Variants in ABCA1 observed in about 807,000 individuals in gnomAD.
ABCA1 encodes the protein phospholipid-transporting ATPase ABCA1.
ABCA1 carries 133 observed loss-of-function variants against 262.5 expected under a neutral mutation model. That is an observed-to-expected ratio of 0.51 (90% CI 0.44 to 0.59). The LOEUF (loss-of-function observed/expected upper bound fraction) is 0.59. Ranked by LOEUF, ABCA1 falls within the 20% of genes least tolerant of loss-of-function variation. The pLI is 0.00. For missense variants in ABCA1, 2,452 were observed against 2,777.5 expected (o/e 0.88, Z 2.63); for synonymous variants, 1,022 against 1,043.5 (o/e 0.98, Z 0.40).
At chr9:104,837,320 G>T in intron 10 of ABCA1, 108 bp downstream of exon 10, 1 of 1,463,462 alleles carries the variant, frequency 6.8e-7, no homozygotes, top group Non-Finnish European at 9.4e-7. Flanking sequence ...GGGAATTCCA[G>T]AAGAGCCGTG....
At chr9:104,921,752 A>G (rs1022555263) in intron 1 of ABCA1, among the ~76,000 whole-genome samples, 1 of 152,254 alleles carries the variant, frequency 6.6e-6, no homozygotes, top group Non-Finnish European at 1.5e-5. Context: ...TATTCAAGTC[A>G]GCATTTATTA....
chr9:104,835,559 C>T (rs1833749090), intron 11 of ABCA1, among the ~76,000 whole-genome samples: 1 of 152,114 alleles, frequency 6.6e-6, no homozygotes, highest in African/African-American at 2.4e-5. Flanking sequence ...TTCATTCTTG[C>T]CTCATCCTTC....
In ABCA1 at chr9:104,861,725, T is replaced by C. The variant is rs377248142; in HGVS notation, c.497A>G (p.Lys166Arg). 1.8e-5 allele frequency: 29 copies of C among 1,613,896 alleles called. No homozygotes were observed. Among genetic ancestry groups the C allele is most frequent in the Non-Finnish European group, 2.1e-5 (25 of 1,179,984 alleles). ...CCTCAGCATCTTGTCCACAGTAGAC[T>C]TTGGGAGAGAGAGGTTGTGATACAG... ...GFLYHNLSLPKSTVDKMLRAD... is the reference protein window; with the variant it reads ...GFLYHNLSLPRSTVDKMLRAD... The change falls in exon 6 of 50, where the codon AAG (lysine) becomes AGG (arginine). Residue 166 changes from lysine (K) to arginine (R), a missense_variant. Physicochemically the swap from Lys to Arg is conservative, Grantham distance 26 (BLOSUM62 2). Coordinates refer to ENST00000374736, the MANE Select transcript of ABCA1 (RefSeq NM_005502.4).
intron 5 of ABCA1, among the ~76,000 whole-genome samples, chr9:104,875,134 T>A (rs1483612396): frequency 1.3e-5 from 2 of 151,910 alleles, no homozygotes. Context: ...TTCCATTTTG[T>A]TCTGTACTAA....
chr9:104,832,066 G>A (rs1833389152), intron 12 of ABCA1, among the ~76,000 whole-genome samples: 1 of 152,152 alleles, frequency 6.6e-6, no homozygotes, highest in Non-Finnish European at 1.5e-5. Context: ...TTTTGTGGAG[G>A]AAAAGAGGTT....
intron 15 of ABCA1, among the ~76,000 whole-genome samples, chr9:104,827,514 C>G (rs10991383): frequency 0.06 from 9,185 of 152,294 alleles, 479 homozygotes; most frequent in East Asian, 0.28. Flanking sequence ...CACAGAAGAG[C>G]TGTGGGAGAT....
At chr9:104,787,547 T>C (rs1030705441) in intron 46 of ABCA1, among the ~76,000 whole-genome samples, 4 of 152,208 alleles carry the variant, frequency 2.6e-5, no homozygotes, top group Admixed American at 2.6e-4. Context: ...CATCTATCCG[T>C]GTGTAAGGAA....
intron 11 of ABCA1, 125 bp from the exon 12 acceptor site, chr9:104,832,896 T>A: frequency 1.2e-6 from 1 of 860,336 alleles, no homozygotes; most frequent in Non-Finnish European, 1.9e-6. Flanking sequence ...CTGAGGTAAA[T>A]GACAGTGTCC....
chr9:104,796,563 C>T, intron 37 of ABCA1, 139 bp from the exon 38 acceptor site: 1 of 743,588 alleles, frequency 1.3e-6, no homozygotes, highest in African/African-American at 1.7e-5. Context: ...GCCACATAAA[C>T]TATTAATCAA....
At chr9:104,812,331 C>T (rs1028934649) in intron 28 of ABCA1, among the ~76,000 whole-genome samples, 1 of 152,176 alleles carries the variant, frequency 6.6e-6, no homozygotes, top group African/African-American at 2.4e-5. Context: ...TTTTTATTTT[C>T]GTAACAACCC....
intron 8 of ABCA1, among the ~76,000 whole-genome samples, chr9:104,843,045 C>A (rs1171153126): frequency 6.6e-6 from 1 of 152,190 alleles, no homozygotes; most frequent in Non-Finnish European, 1.5e-5. Context: ...GACATGCTAT[C>A]ATCTCCTTCA....
intron 48 of ABCA1, 76 bp downstream of exon 48, chr9:104,786,222 C>T (rs1209463564): frequency 3.0e-5 from 36 of 1,213,646 alleles, no homozygotes; most frequent in Non-Finnish European, 4.9e-6. Context: ...GTTAGAGGCA[C>T]CATTTATATA....
chr9:104,850,161 A>G (rs1178904979), intron 7 of ABCA1, among the ~76,000 whole-genome samples: 3 of 152,132 alleles, frequency 2.0e-5, no homozygotes, highest in African/African-American at 7.2e-5. Context: ...TCACTCTGTC[A>G]CCCAGGCTAG....
At chr9:104,923,251 T>C (rs929431670) in intron 1 of ABCA1, among the ~76,000 whole-genome samples, 2 of 152,218 alleles carry the variant, frequency 1.3e-5, no homozygotes, top group Non-Finnish European at 2.9e-5. Flanking sequence ...TCTTTTTCCT[T>C]TGTTTCTTAG....
chr9:104,798,714 G>C, intron 36 of ABCA1, 116 bp from the exon 37 acceptor site: 1 of 893,386 alleles, frequency 1.1e-6, no homozygotes, highest in South Asian at 1.4e-5. Context: ...AGATATCTGA[G>C]GCACAGCCCA....
chr9:104,841,058 C>T (rs1262020284), intron 8 of ABCA1, among the ~76,000 whole-genome samples: 2 of 152,142 alleles, frequency 1.3e-5, no homozygotes, highest in Non-Finnish European at 2.9e-5. Context: ...CCCTCTTCCG[C>T]CTTGGGAGAA....
chr9:104,801,913 G>A (rs1027857840), intron 34 of ABCA1, 141 bp downstream of exon 34: 33 of 810,446 alleles, frequency 4.1e-5, no homozygotes, highest in Non-Finnish European at 5.4e-5. Context: ...GGCTCAAATC[G>A]CTAAATGCCA....
At chr9:104,892,925 T>G (rs997317362) in intron 2 of ABCA1, among the ~76,000 whole-genome samples, 5 of 152,216 alleles carry the variant, frequency 3.3e-5, no homozygotes, top group Non-Finnish European at 7.3e-5. Flanking sequence ...TTATGGTACA[T>G]GTACTCAACA....
intron 23 of ABCA1, 87 bp downstream of exon 23, chr9:104,818,576 A>AG: frequency 7.9e-7 from 1 of 1,273,860 alleles, no homozygotes; most frequent in South Asian, 1.2e-5. Context: ...ACATGGCAAA[A>AG]GGGGTGGAGA....
Sources: gnomAD v4.1 joint callset for allele counts (sites outside exome capture counted in the v4.1 genomes callset) on GRCh38, gnomAD v4.1.1 for gene constraint, MANE v1.5 for transcripts, NCBI Gene and HGNC (gene_info 2026-07-23, HGNC 2026-07-21) for gene names.